The following NYAP2 variants were observed in gnomAD, a reference collection of about 807,000 sequenced individuals.
NYAP2 encodes the protein neuronal tyrosine-phosphorylated phosphoinositide-3-kinase adaptor 2, also known as neuronal tyrosine-phosphorylated phosphoinositide-3-kinase adapter 2.
In NYAP2, 23 loss-of-function variants were observed where a neutral mutation model predicts 50.4. The ratio of observed to expected loss-of-function variants is 0.46; its 90% confidence interval spans 0.33 to 0.65. The LOEUF (loss-of-function observed/expected upper bound fraction) is 0.65, where lower values mean the gene tolerates loss of function less well. Among genes scored for constraint, NYAP2 ranks in the 30% least tolerant of loss-of-function variants. The pLI is 0.02. For missense variants in NYAP2, 885 were observed against 861.0 expected (o/e 1.03, Z -0.35); for synonymous variants, 394 against 365.2 (o/e 1.08, Z -0.90).
chr2:225,564,879 C>T (rs1691936204), intron 4 of NYAP2, among the ~76,000 whole-genome samples: 1 of 152,048 alleles, frequency 6.6e-6, no homozygotes, highest in Admixed American at 6.6e-5. Context: ...CCTATAATCC[C>T]AGCACTGTGG....
chr2:225,437,142 G>A lies in NYAP2; in HGVS notation c.221+28041G>A, dbSNP rs186816007. Among the ~76,000 whole-genome samples, 449 of 152,062 alleles carry A rather than the reference G, an allele frequency of 3.0e-3. 2 individuals carry two copies. The highest frequency in any genetic ancestry group is 0.01 in the African/African-American group (421 of 41,492). On this transcript the variant is annotated intron_variant, in intron 3 of 6. Coordinates refer to ENST00000636099, the Ensembl canonical transcript of NYAP2. ...TAAATTAGAATAATCTTGTTATTTG[G>A]TGTCTAGTTTCTAAAACCAAGCAGC... is the stretch of plus-strand genomic sequence containing the variant.
At chr2:225,621,112 C>CAA (rs35570419) in intron 5 of NYAP2, among the ~76,000 whole-genome samples, 7 of 98,434 alleles carry the variant, frequency 7.1e-5, no homozygotes, top group Admixed American at 1.1e-4. Context: ...GACTCCGTCT[C>CAA]AAAAAAAAAA....
At chr2:225,446,240 CTCTCTCTATATATATATATATA>C (rs1239248629) in intron 3 of NYAP2, among the ~76,000 whole-genome samples, 6 of 108,358 alleles carry the variant, frequency 5.5e-5, no homozygotes, top group African/African-American at 2.2e-4. Flanking sequence ...CTCTCTCTCT[CTCTCTCTATATATATATATATA>C]TATATATATA....
chr2:225,627,262 G>A lies in NYAP2; in HGVS notation c.1828+136G>A, dbSNP rs182309884. 74 of 688,640 alleles carry A rather than the reference G, an allele frequency of 1.1e-4. No individual in the cohort carries two copies. The Admixed American group carries it at 1.6e-3, about 15-fold the overall frequency. The allele number at this position is 688,640 out of a possible 1,614,324, so 42.7% of individuals were successfully genotyped here. ...AGAGGCACCACAAGTAACCATTCACGTAGGTTACATAAAGGGATATAACAA... is the reference window on the plus strand; with the variant it reads ...AGAGGCACCACAAGTAACCATTCACATAGGTTACATAAAGGGATATAACAA... On this transcript the variant is annotated intron_variant, in intron 6 of 6. Coordinates refer to ENST00000636099, the Ensembl canonical transcript of NYAP2.
intron 4 of NYAP2, among the ~76,000 whole-genome samples, chr2:225,553,212 A>G (rs1691711480): frequency 6.6e-6 from 1 of 152,242 alleles, no homozygotes; most frequent in Non-Finnish European, 1.5e-5. Flanking sequence ...CCACTAGAAG[A>G]ACCTGGAAAC....
chr2:225,401,916 A>G (rs1443538476), intron 2 of NYAP2, among the ~76,000 whole-genome samples: 1 of 152,044 alleles, frequency 6.6e-6, no homozygotes, highest in Admixed American at 6.6e-5. Flanking sequence ...TTAACATCCA[A>G]GCATTTATAA....
the NYAP2 span, among the ~76,000 whole-genome samples, chr2:225,697,467 T>C: frequency 6.6e-6 from 1 of 151,972 alleles, no homozygotes; most frequent in Non-Finnish European, 1.5e-5. Flanking sequence ...AAGCATATGG[T>C]GTGCACTTAA....
chr2:225,422,788 CAAAG>C lies in NYAP2; in HGVS notation c.221+13688_221+13691del, dbSNP rs138459490. ...AAGGAGAATAAAGGAGAAAAGGAAA[CAAAG>C]TAACAGAACGCTTCCATGAATATTT... On this transcript the variant is annotated intron_variant, in intron 3 of 6. Transcript: ENST00000636099. 4.4e-3 allele frequency among the ~76,000 whole-genome samples: 670 copies of C among 152,214 alleles called. 5 individuals are homozygous for C. Among genetic ancestry groups the C allele is most frequent in the African/African-American group, 0.015 (622 of 41,530 alleles).
At chr2:225,446,212 G>C (rs867491925) in intron 3 of NYAP2, among the ~76,000 whole-genome samples, 14 of 47,296 alleles carry the variant, frequency 3.0e-4, no homozygotes, top group South Asian at 1.1e-3. Context: ...CTGTCTGTCT[G>C]TCTGTCTCTC....
At chr2:225,647,522 C>G (rs1319860031) in intron 6 of NYAP2, among the ~76,000 whole-genome samples, 8 of 152,178 alleles carry the variant, frequency 5.3e-5, no homozygotes, top group Non-Finnish European at 1.0e-4. Context: ...CAGAGGGTCA[C>G]ATCCCCTCTA....
chr2:225,536,004 G>A (rs904082853), intron 4 of NYAP2, among the ~76,000 whole-genome samples: 1 of 151,896 alleles, frequency 6.6e-6, no homozygotes, highest in African/African-American at 2.4e-5. Flanking sequence ...ATTTTTTCTT[G>A]CAATTCAAAA....
At chr2:225,509,866 C>T (rs1427045620) in intron 3 of NYAP2, among the ~76,000 whole-genome samples, 1 of 152,144 alleles carries the variant, frequency 6.6e-6, no homozygotes, top group Non-Finnish European at 1.5e-5. Flanking sequence ...CCTACCTGTA[C>T]AAGGAATATG....
At chr2:225,569,896 C>A (rs1692036403) in intron 4 of NYAP2, among the ~76,000 whole-genome samples, 1 of 152,142 alleles carries the variant, frequency 6.6e-6, no homozygotes. Flanking sequence ...AGAATAGTTC[C>A]TGTCCCTGAT....
At chr2:225,671,378 CTT>C in the NYAP2 span, among the ~76,000 whole-genome samples, 2 of 152,132 alleles carry the variant, frequency 1.3e-5, no homozygotes, top group Non-Finnish European at 2.9e-5. Flanking sequence ...CAAGAAACCA[CTT>C]TCTTTGTTCA....
intron 3 of NYAP2, among the ~76,000 whole-genome samples, chr2:225,432,349 A>G (rs1689281584): frequency 6.6e-6 from 1 of 150,866 alleles, no homozygotes; most frequent in Admixed American, 6.6e-5. Context: ...GGGATATTAT[A>G]TGTACATTTG....
intron 3 of NYAP2, among the ~76,000 whole-genome samples, chr2:225,418,374 A>G (rs543785258): frequency 1.3e-5 from 2 of 152,170 alleles, no homozygotes; most frequent in African/African-American, 4.8e-5. Context: ...TGAAATTGGG[A>G]TGAGAGAGGT....
At chr2:225,414,974 T>C (rs960526880) in intron 3 of NYAP2, among the ~76,000 whole-genome samples, 1 of 151,578 alleles carries the variant, frequency 6.6e-6, no homozygotes, top group African/African-American at 2.4e-5. Context: ...AAGGGTAGGA[T>C]TTTTTTTTCT....
intron 3 of NYAP2, among the ~76,000 whole-genome samples, chr2:225,427,162 A>G (rs950153019): frequency 6.6e-6 from 1 of 152,174 alleles, no homozygotes; most frequent in Non-Finnish European, 1.5e-5. Flanking sequence ...AAGTTTATCC[A>G]TGCAACTCCA....
chr2:225,461,917 G>A (rs1420294223), intron 3 of NYAP2, among the ~76,000 whole-genome samples: 1 of 152,132 alleles, frequency 6.6e-6, no homozygotes, highest in Non-Finnish European at 1.5e-5. Context: ...ATTTATTTGA[G>A]TGAAAACAGG....
Sources: allele counts gnomAD v4.1 joint callset (sites outside exome capture counted in the v4.1 genomes callset), GRCh38; gene constraint gnomAD v4.1.1; transcripts MANE v1.5; gene names NCBI Gene and HGNC (gene_info 2026-07-23, HGNC 2026-07-21).